The following MINDY3 variants were observed in gnomAD, a reference collection of about 807,000 sequenced individuals.
MINDY3 encodes ubiquitin carboxyl-terminal hydrolase MINDY-3.
In MINDY3, 38 loss-of-function variants were observed where a neutral mutation model predicts 69.2. The ratio of observed to expected loss-of-function variants is 0.55; its 90% confidence interval spans 0.42 to 0.72. The LOEUF (loss-of-function observed/expected upper bound fraction) is 0.72. MINDY3 is among the 30% of genes least tolerant of loss of function. The probability of loss-of-function intolerance (pLI) is 0.00; values close to 1 mark genes in which losing one functional copy is unlikely to be tolerated. For synonymous variants in MINDY3, 192 were observed against 180.1 expected (o/e 1.07, Z -0.53); for missense variants, 522 against 519.0 (o/e 1.01, Z -0.06).
chr10:15,848,633 C>CAA (rs10719399), intron 1 of MINDY3, among the ~76,000 whole-genome samples: 1,188 of 48,998 alleles, frequency 0.024, 62 homozygotes, highest in Non-Finnish European at 0.028. Flanking sequence ...GACTTCATCT[C>CAA]AAAAAAAAAA....
chr10:15,849,604 A>C (rs1309152432), intron 1 of MINDY3, among the ~76,000 whole-genome samples: 1 of 152,182 alleles, frequency 6.6e-6, no homozygotes, highest in Non-Finnish European at 1.5e-5. Context: ...AATAAGATTT[A>C]TTTACTATGT....
chr10:15,794,508 G>C lies in MINDY3; in HGVS notation c.955+1592C>G, dbSNP rs970524398. ...TTTCTAAGCTATCTGAATAAGTTTT[G>C]CTTGCTTTAATAATTCAGTTTATAG... On this transcript the variant is annotated intron_variant, in intron 11 of 14. Coordinates refer to ENST00000277632, the MANE Select transcript of MINDY3 (RefSeq NM_024948.4). Among the ~76,000 whole-genome samples the C allele has an allele frequency of 2.6e-5, 4 of 152,124 alleles. No homozygotes were observed. In the East Asian group the frequency reaches 5.8e-4, roughly 22 times the overall value.
intron 14 of MINDY3, among the ~76,000 whole-genome samples, chr10:15,780,428 T>C (rs1249473374): frequency 6.6e-6 from 1 of 152,238 alleles, no homozygotes; most frequent in Non-Finnish European, 1.5e-5. Flanking sequence ...TGAAAAGTTA[T>C]ACACAAAGAA....
At chr10:15,785,225 A>G (rs1836864170) in intron 13 of MINDY3, among the ~76,000 whole-genome samples, 1 of 152,178 alleles carries the variant, frequency 6.6e-6, no homozygotes, top group Non-Finnish European at 1.5e-5. Flanking sequence ...GAGTGTCTTC[A>G]GAATAGCAGG....
chr10:15,844,869 T>G (rs1017012932), intron 2 of MINDY3, among the ~76,000 whole-genome samples: 2 of 152,208 alleles, frequency 1.3e-5, no homozygotes, highest in African/African-American at 4.8e-5. Context: ...TACAGTTTTA[T>G]TTTTACTTTC....
chr10:15,824,943 T>C (rs1411127594), intron 8 of MINDY3, among the ~76,000 whole-genome samples: 1 of 152,228 alleles, frequency 6.6e-6, no homozygotes, highest in Non-Finnish European at 1.5e-5. Flanking sequence ...TTAACATTTT[T>C]ACCTTCTTAT....
intron 8 of MINDY3, among the ~76,000 whole-genome samples, chr10:15,831,966 G>A (rs1011076279): frequency 3.3e-5 from 5 of 152,216 alleles, no homozygotes; most frequent in Middle Eastern, 3.4e-3. Flanking sequence ...ATGAGCCACC[G>A]TGCCCGGACA....
In MINDY3 at chr10:15,803,980, C is replaced by T. The variant is rs572932170; in HGVS notation, c.883-7808G>A. 2.6e-5 allele frequency among the ~76,000 whole-genome samples: 4 copies of T among 152,100 alleles called. No individual in the cohort carries two copies. The East Asian group carries it at 7.7e-4, about 29-fold the overall frequency. ...TGCATTTGGAACTCTTTTAGGTACCCTCAGTAGGAAGAGATCCTACACATG... is the reference window on the plus strand; with the variant it reads ...TGCATTTGGAACTCTTTTAGGTACCTTCAGTAGGAAGAGATCCTACACATG... On this transcript the variant is annotated intron_variant, in intron 10 of 14. Transcript: ENST00000277632.
chr10:15,859,971 C>A (rs1268091183), intron 1 of MINDY3, among the ~76,000 whole-genome samples: 1 of 152,232 alleles, frequency 6.6e-6, no homozygotes, highest in Admixed American at 6.5e-5. Flanking sequence ...AAGGGCAGCC[C>A]GGAGGATGGA....
At chr10:15,849,806 A>C (rs1291136266) in intron 1 of MINDY3, among the ~76,000 whole-genome samples, 1 of 152,162 alleles carries the variant, frequency 6.6e-6, no homozygotes, top group Non-Finnish European at 1.5e-5. Context: ...AAAACAAAAC[A>C]AAACCTTAAG....
chr10:15,812,222 T>G (rs1189821608), intron 10 of MINDY3, among the ~76,000 whole-genome samples: 1 of 152,226 alleles, frequency 6.6e-6, no homozygotes, highest in Admixed American at 6.5e-5. Context: ...ATTACAGGCA[T>G]GAGCCCCTGC....
intron 8 of MINDY3, among the ~76,000 whole-genome samples, chr10:15,829,724 G>C (rs947938207): frequency 6.6e-6 from 1 of 152,200 alleles, no homozygotes; most frequent in African/African-American, 2.4e-5. Context: ...GCTATAGCAT[G>C]ATAGTCTAGA....
chr10:15,796,077 G>A (rs1206493333), intron 11 of MINDY3, 23 bp downstream of exon 11: 1 of 1,571,620 alleles, frequency 6.4e-7, no homozygotes, highest in East Asian at 2.2e-5. Flanking sequence ...ATAAAACACA[G>A]AGATGATGTT....
intron 1 of MINDY3, among the ~76,000 whole-genome samples, chr10:15,848,172 G>T (rs571135878): frequency 8.0e-4 from 122 of 152,192 alleles, no homozygotes; most frequent in African/African-American, 2.3e-3. Flanking sequence ...TTGCACCCAG[G>T]AACTCCTCTA....
rs1437638778 is a variant in MINDY3 at position 15,848,654 on chromosome 10, AAAAAAAAAGAAAG to A, written c.95-724_95-712del. Among the ~76,000 whole-genome samples the A allele has an allele frequency of 3.4e-3, 438 of 128,190 alleles. 26 individuals are homozygous for A. The highest frequency in any genetic ancestry group is 1.0e-2 in the African/African-American group (378 of 37,842). The allele number at this position is 128,190 out of a possible 152,430, so 84.1% of individuals were successfully genotyped here. On this transcript the variant is annotated intron_variant, in intron 1 of 14. Coordinates refer to ENST00000277632, the MANE Select transcript of MINDY3 (RefSeq NM_024948.4). ...ATCTCAAAAAAAAAAAAAAAAAAAA[AAAAAAAAAGAAAG>A]AAAAATTAAATGGCATTGTAGACAG...
chr10:15,816,169 G>T (rs1033381920), intron 10 of MINDY3, among the ~76,000 whole-genome samples: 1 of 149,468 alleles, frequency 6.7e-6, no homozygotes, highest in Non-Finnish European at 1.5e-5. Flanking sequence ...GCTGAAGTGG[G>T]AGAATCGCTT....
chr10:15,825,143 C>A (rs1840006779), intron 8 of MINDY3, among the ~76,000 whole-genome samples: 1 of 151,880 alleles, frequency 6.6e-6, no homozygotes, highest in South Asian at 2.1e-4. Flanking sequence ...GTTCCAAGAT[C>A]TGAAGCATTC....
chr10:15,816,274 A>T (rs1399966922), intron 10 of MINDY3, among the ~76,000 whole-genome samples: 1 of 141,286 alleles, frequency 7.1e-6, no homozygotes, highest in Non-Finnish European at 1.5e-5. Flanking sequence ...AAAAAAAAAA[A>T]AAAAAATGAA....
At position 15,860,357 on chromosome 10, in the gene MINDY3, A is replaced by T. The variant is rs1835013227; in HGVS notation, c.-58T>A. The T allele has an allele frequency of 3.6e-5, 46 of 1,262,556 alleles. 1 individual carries two copies. The South Asian group carries it at 5.3e-4, about 15-fold the overall frequency. 78.2% of individuals were successfully genotyped at this position (1,262,556 alleles called of 1,614,324 possible). ...CGGACTCCTGCCCCGGAACATGGGG[A>T]AGGGGCAACTCCGGAAACAGCAGCT... is the stretch of plus-strand genomic sequence containing the variant. On this transcript the variant is annotated 5_prime_UTR_variant, in exon 1 of 15. Transcript: ENST00000277632.
Sources: gnomAD v4.1 joint callset for allele counts (sites outside exome capture counted in the v4.1 genomes callset) on GRCh38, gnomAD v4.1.1 for gene constraint, MANE v1.5 for transcripts, NCBI Gene and HGNC (gene_info 2026-07-23, HGNC 2026-07-21) for gene names.